FAM107B: variants seen among roughly 807,000 people sequenced by gnomAD.
FAM107B encodes family with sequence similarity 107 member B.
A neutral mutation model predicts 31.5 loss-of-function variants in FAM107B; 21 were observed. The ratio of observed to expected loss-of-function variants is 0.67; its 90% CI spans 0.47 to 0.96. The LOEUF (loss-of-function observed/expected upper bound fraction) is 0.96. Ranked by LOEUF, FAM107B falls within the 40% of genes least tolerant of loss-of-function variation. The pLI, the probability that FAM107B is intolerant of heterozygous loss-of-function variation, is 0.00. For missense variants in FAM107B, 452 were observed against 377.1 expected, an observed-to-expected ratio of 1.20 and a Z score of -1.64; for synonymous variants, 157 against 141.5, an observed-to-expected ratio of 1.11 and a Z score of -0.78.
intron 2 of FAM107B, among the ~76,000 whole-genome samples, chr10:14,593,092 C>T (rs889873654): frequency 2.6e-4 from 39 of 152,204 alleles, no homozygotes; most frequent in Admixed American, 2.4e-3. Flanking sequence ...TGGGGTCCTA[C>T]CCAGATAAAG....
At chr10:14,524,525 A>G (rs1371623538) in intron 3 of FAM107B, among the ~76,000 whole-genome samples, 3 of 152,226 alleles carry the variant, frequency 2.0e-5, no homozygotes, top group African/African-American at 7.2e-5. Context: ...AAAACTAAAT[A>G]AACAACAGGA....
At chr10:14,553,052 C>A (rs1452738821) in intron 2 of FAM107B, among the ~76,000 whole-genome samples, 2 of 152,184 alleles carry the variant, frequency 1.3e-5, no homozygotes, top group Non-Finnish European at 2.9e-5. Context: ...GTCATGATCT[C>A]TTCCAAATGG....
intron 2 of FAM107B, among the ~76,000 whole-genome samples, chr10:14,533,191 G>A (rs1299841979): frequency 3.9e-5 from 6 of 152,132 alleles, no homozygotes; most frequent in Admixed American, 2.0e-4. Context: ...CAGGCAGGGC[G>A]GCAGATGCAA....
In FAM107B at chr10:14,710,431, T is replaced by TACACAC. The variant is rs57418409; in HGVS notation, c.412-42746_412-42741dup. ...ATATTTTTTTGCCTGTCTCTAAAAA[T>TACACAC]ACACACACACACACACACACACACA... On this transcript the variant is annotated intron_variant, in intron 1 of 4. Coordinates refer to ENST00000181796, the MANE Select transcript of FAM107B (RefSeq NM_031453.4). Among the ~76,000 whole-genome samples the TACACAC allele has an allele frequency of 7.1e-4, 104 of 146,520 alleles. 2 individuals carry two copies. The highest frequency in any genetic ancestry group is 3.0e-3 in the East Asian group (15 of 4,946).
chr10:14,558,504 T>A (rs1459826191), intron 2 of FAM107B, among the ~76,000 whole-genome samples: 1 of 152,246 alleles, frequency 6.6e-6, no homozygotes, highest in African/African-American at 2.4e-5. Context: ...GCCAAAAGAA[T>A]GACCAAAATT....
At chr10:14,677,597 G>A (rs1022857869) in intron 1 of FAM107B, among the ~76,000 whole-genome samples, 4 of 152,060 alleles carry the variant, frequency 2.6e-5, no homozygotes, top group Non-Finnish European at 4.4e-5. Context: ...CTCCAGCCTG[G>A]GCGACAGAGC....
chr10:14,660,758 C>A (rs1399297129), intron 2 of FAM107B, among the ~76,000 whole-genome samples: 2 of 152,140 alleles, frequency 1.3e-5, no homozygotes, highest in African/African-American at 4.8e-5. Flanking sequence ...GTAAATGAAG[C>A]CTCATTCTAG....
intron 2 of FAM107B, among the ~76,000 whole-genome samples, chr10:14,544,643 A>C (rs751125692): frequency 3.3e-4 from 50 of 152,228 alleles, no homozygotes; most frequent in Non-Finnish European, 6.9e-4. Context: ...CCTTGAACGC[A>C]GTAATTCCAC....
chr10:14,638,108 C>T (rs1043061011), intron 2 of FAM107B, among the ~76,000 whole-genome samples: 4 of 152,130 alleles, frequency 2.6e-5, no homozygotes, highest in East Asian at 3.8e-4. Context: ...GTCACCAAAC[C>T]CAAGGCCAAA....
intron 3 of FAM107B, among the ~76,000 whole-genome samples, chr10:14,522,414 A>ATTT (rs57308938): frequency 7.1e-6 from 1 of 141,618 alleles, no homozygotes; most frequent in Non-Finnish European, 1.5e-5. Flanking sequence ...CTAGCCCCTG[A>ATTT]TTTTTTTTTT....
chr10:14,728,149 G>A (rs560335342), intron 1 of FAM107B, among the ~76,000 whole-genome samples: 1 of 152,316 alleles, frequency 6.6e-6, no homozygotes, highest in Non-Finnish European at 1.5e-5. Context: ...TGGCCTGAGA[G>A]CTGGGCTCAA....
intron 2 of FAM107B, among the ~76,000 whole-genome samples, chr10:14,594,651 G>A (rs1338024191): frequency 6.6e-6 from 1 of 152,182 alleles, no homozygotes; most frequent in Non-Finnish European, 1.5e-5. Flanking sequence ...TCCATGAGAA[G>A]AAGGCCCAAG....
At chr10:14,593,693 C>CAAA (rs77680906) in intron 2 of FAM107B, among the ~76,000 whole-genome samples, 1 of 100,786 alleles carries the variant, frequency 9.9e-6, no homozygotes. Flanking sequence ...GAATCTGTCT[C>CAAA]AAAAAAAAAA....
At chr10:14,616,561 T>C (rs1017771934) in intron 2 of FAM107B, among the ~76,000 whole-genome samples, 1 of 152,196 alleles carries the variant, frequency 6.6e-6, no homozygotes, top group Non-Finnish European at 1.5e-5. Flanking sequence ...TGGCAGACTT[T>C]CTTCTAGGCA....
chr10:14,542,579 C>T (rs1235742695), intron 2 of FAM107B: 3 of 152,226 alleles, frequency 2.0e-5, no homozygotes, highest in African/African-American at 7.2e-5. Flanking sequence ...TAATGCTCAC[C>T]TTACGCTTAG....
chr10:14,699,062 C>A (rs1855333829), intron 1 of FAM107B, among the ~76,000 whole-genome samples: 1 of 151,850 alleles, frequency 6.6e-6, no homozygotes, highest in East Asian at 1.9e-4. Flanking sequence ...AGGTGGGGGG[C>A]AGGGGTACAC....
At chr10:14,666,138 G>T (rs1854398288) in intron 2 of FAM107B, among the ~76,000 whole-genome samples, 1 of 152,174 alleles carries the variant, frequency 6.6e-6, no homozygotes, top group African/African-American at 2.4e-5. Context: ...AGACAATATT[G>T]TAATAAACCA....
chr10:14,725,191 G>C (rs1588733395), intron 1 of FAM107B, among the ~76,000 whole-genome samples: 2 of 152,264 alleles, frequency 1.3e-5, no homozygotes, highest in East Asian at 3.9e-4. Flanking sequence ...TCCCTACAGA[G>C]CCAGGCTTGT....
intron 2 of FAM107B, among the ~76,000 whole-genome samples, chr10:14,666,539 A>G (rs1355265634): frequency 6.6e-6 from 1 of 152,182 alleles, no homozygotes; most frequent in African/African-American, 2.4e-5. Context: ...GGGGACACAG[A>G]GCCAAACCAT....
Sources: allele counts gnomAD v4.1 joint callset (sites outside exome capture counted in the v4.1 genomes callset), GRCh38; gene constraint gnomAD v4.1.1; transcripts MANE v1.5; gene names NCBI Gene and HGNC (gene_info 2026-07-23, HGNC 2026-07-21).